The following GPR158 variants were observed in gnomAD, a reference collection of about 807,000 sequenced individuals.
GPR158 encodes G protein-coupled receptor 158.
GPR158 carries 30 observed loss-of-function variants against 78.2 expected under a neutral mutation model. The ratio of observed to expected loss-of-function variants is 0.38; its 90% CI spans 0.29 to 0.52. The LOEUF is 0.52. GPR158 is among the 20% of genes least tolerant of loss of function. GPR158 has a pLI of 0.83. For synonymous variants in GPR158, 581 were observed against 591.1 expected, an observed-to-expected ratio of 0.98 and a Z score of 0.25; for missense variants, 1,463 against 1,523.5, an observed-to-expected ratio of 0.96 and a Z score of 0.66.
intron 4 of GPR158, among the ~76,000 whole-genome samples, chr10:25,417,738 C>A (rs2091750569): frequency 6.6e-6 from 1 of 152,122 alleles, no homozygotes; most frequent in Non-Finnish European, 1.5e-5. Context: ...TCTACCTAGA[C>A]ACTCCTGAAG....
chr10:25,176,286 T>C lies in GPR158; in HGVS notation c.866T>C (p.Ile289Thr). 1 of 1,607,138 alleles carries C rather than the reference T, an allele frequency of 6.2e-7. No individual in the cohort carries two copies. The highest frequency in any genetic ancestry group is 8.5e-7 in the Non-Finnish European group (1 of 1,177,002). ...PGWLVTLSSAIYGLQPNLVPE... is the reference protein window; with the variant it reads ...PGWLVTLSSATYGLQPNLVPE... ...TGGCTGGTTACTCTTTCCTCTGCCA[T>C]CTACGGGTTGCAGCCTAACCTGGTC... The change falls in exon 1 of 11, where the codon ATC (isoleucine) becomes ACC (threonine). Residue 289 changes from isoleucine (I) to threonine (T), a missense_variant. Coordinates refer to ENST00000376351, the MANE Select transcript of GPR158 (RefSeq NM_020752.3). The surrounding 1 kb of genome is among the most constrained non-coding windows in gnomAD (Gnocchi z 6.3).
chr10:25,376,025 C>G (rs1834074481), intron 2 of GPR158, among the ~76,000 whole-genome samples: 1 of 151,556 alleles, frequency 6.6e-6, no homozygotes, highest in Non-Finnish European at 1.5e-5. Flanking sequence ...CATAGTATGT[C>G]TCCTCATTTA....
At chr10:25,597,506 A>G (rs550387717) in intron 10 of GPR158, among the ~76,000 whole-genome samples, 10 of 152,340 alleles carry the variant, frequency 6.6e-5, no homozygotes, top group African/African-American at 2.4e-4. Context: ...TCAGAAAAGT[A>G]CAAATCAGAA....
intron 5 of GPR158, among the ~76,000 whole-genome samples, chr10:25,487,795 T>A (rs1835754919): frequency 6.6e-6 from 1 of 152,142 alleles, no homozygotes; most frequent in Admixed American, 6.6e-5. Context: ...AGGAAAAGCA[T>A]TTTTCTTCTG....
chr10:25,354,385 G>A (rs1855519158), intron 2 of GPR158, among the ~76,000 whole-genome samples: 1 of 151,016 alleles, frequency 6.6e-6, no homozygotes, highest in Admixed American at 6.6e-5. Flanking sequence ...TTAAGGAGAG[G>A]ACAACTTACC....
intron 2 of GPR158, among the ~76,000 whole-genome samples, chr10:25,344,405 A>C (rs920865848): frequency 6.6e-6 from 1 of 151,922 alleles, no homozygotes; most frequent in Non-Finnish European, 1.5e-5. Flanking sequence ...GAGAACACTT[A>C]ACACTTAAAA....
intron 2 of GPR158, among the ~76,000 whole-genome samples, chr10:25,360,249 G>T (rs1261145634): frequency 6.6e-6 from 1 of 152,100 alleles, no homozygotes; most frequent in Non-Finnish European, 1.5e-5. Flanking sequence ...CAGTTCTTTA[G>T]TTTAATTAGA....
At chr10:25,581,384 A>G (rs1427335002) in intron 7 of GPR158, among the ~76,000 whole-genome samples, 5 of 152,180 alleles carry the variant, frequency 3.3e-5, no homozygotes, top group Admixed American at 6.5e-5. Flanking sequence ...TTAATTTTCA[A>G]TCAAAGGATA....
chr10:25,365,111 A>G (rs1311484626), intron 2 of GPR158, among the ~76,000 whole-genome samples: 1 of 151,800 alleles, frequency 6.6e-6, no homozygotes, highest in African/African-American at 2.4e-5. Flanking sequence ...TGGTAGTTTA[A>G]TAGTTAACTA....
intron 1 of GPR158, among the ~76,000 whole-genome samples, chr10:25,207,275 G>C (rs1452154783): frequency 6.6e-6 from 1 of 152,114 alleles, no homozygotes; most frequent in Non-Finnish European, 1.5e-5. Context: ...TCTCCCAACA[G>C]GTGCCTTTGC....
rs569045039 is a variant in GPR158, at chr10:25,430,807, A to T, written c.1335+18334A>T. Reference sequence around the variant, plus strand: ...ATGGTGCTGGGAAAACTGGCTAGCCATATGTAGAAAGCTGAAACTGGATCC... The same window carrying T: ...ATGGTGCTGGGAAAACTGGCTAGCCTTATGTAGAAAGCTGAAACTGGATCC... On this transcript the variant is annotated intron_variant, in intron 4 of 10. Transcript: ENST00000376351. 5.3e-3 allele frequency among the ~76,000 whole-genome samples: 791 copies of T among 149,702 alleles called. 10 individuals carry two copies. The highest frequency in any genetic ancestry group is 0.019 in the African/African-American group (766 of 40,680).
intron 5 of GPR158, among the ~76,000 whole-genome samples, chr10:25,540,818 G>A (rs1294303180): frequency 2.6e-5 from 4 of 151,894 alleles, no homozygotes; most frequent in Admixed American, 6.6e-5. Flanking sequence ...GGGAGGGATA[G>A]CATTAAGAGA....
intron 5 of GPR158, among the ~76,000 whole-genome samples, chr10:25,481,505 A>G (rs778902923): frequency 6.6e-6 from 1 of 152,210 alleles, no homozygotes; most frequent in Non-Finnish European, 1.5e-5. Context: ...TGTTCGGTGT[A>G]TGAGAAAGTT....
chr10:25,204,289 C>T (rs1330578322), intron 1 of GPR158, among the ~76,000 whole-genome samples: 8 of 152,140 alleles, frequency 5.3e-5, no homozygotes, highest in African/African-American at 9.7e-5. Context: ...TCTAACACTA[C>T]GTTGAATAGG....
chr10:25,413,084 G>T lies in GPR158; in HGVS notation c.1335+611G>T, dbSNP rs140133108. On this transcript the variant is annotated intron_variant, in intron 4 of 10. Coordinates refer to ENST00000376351, the MANE Select transcript of GPR158 (RefSeq NM_020752.3). ...GCCTGTAATCTCAGCACATTGGGAG[G>T]CCAAGGCTGGAGAATTGCTTGAGGC... 5.3e-3 allele frequency among the ~76,000 whole-genome samples: 804 copies of T among 152,254 alleles called. 10 individuals are homozygous for T. Among genetic ancestry groups the T allele is most frequent in the African/African-American group, 0.019 (777 of 41,544 alleles).
At chr10:25,439,742 A>G (rs1283349661) in intron 4 of GPR158, among the ~76,000 whole-genome samples, 1 of 152,180 alleles carries the variant, frequency 6.6e-6, no homozygotes, top group African/African-American at 2.4e-5. Flanking sequence ...ACCTTGAAAC[A>G]TGTGGAAAGC....
intron 2 of GPR158, among the ~76,000 whole-genome samples, chr10:25,283,633 TTTACTCTTTCTCCTTACTTGGGAC>T (rs1381570470): frequency 6.6e-6 from 1 of 151,990 alleles, no homozygotes; most frequent in Admixed American, 6.6e-5. Context: ...TGCTCATATT[TTTACTCTTTCTCCTTACTTGGGAC>T]TTAATTTCTT....
chr10:25,360,275 T>C (rs1855615199), intron 2 of GPR158, among the ~76,000 whole-genome samples: 1 of 152,234 alleles, frequency 6.6e-6, no homozygotes, highest in Admixed American at 6.5e-5. Context: ...TTTGTCAATT[T>C]TGGCTTTTGT....
chr10:25,438,634 C>T (rs1025920162), intron 4 of GPR158, among the ~76,000 whole-genome samples: 8 of 152,324 alleles, frequency 5.3e-5, no homozygotes, highest in African/African-American at 1.7e-4. Context: ...TGAGGTCATA[C>T]TGCAAACCAC....
Sources: gnomAD v4.1 joint callset for allele counts (sites outside exome capture counted in the v4.1 genomes callset) on GRCh38, gnomAD v4.1.1 for gene constraint, Gnocchi (gnomAD v3.1) non-coding constraint, MANE v1.5 for transcripts, NCBI Gene and HGNC (gene_info 2026-07-23, HGNC 2026-07-21) for gene names.